PDE4D: variants seen among roughly 807,000 people sequenced by gnomAD.
The protein encoded by PDE4D is 3',5'-cyclic-AMP phosphodiesterase 4D.
Under a neutral mutation model 87.4 loss-of-function variants are expected in PDE4D, and 24 were observed. The observed-to-expected ratio is 0.27, with a 90% CI of 0.20 to 0.39. The LOEUF (loss-of-function observed/expected upper bound fraction) is 0.39. Among genes scored for constraint, PDE4D ranks in the 10% least tolerant of loss-of-function variants. PDE4D has a pLI of 1.00. For synonymous variants in PDE4D, 384 were observed against 383.2 expected, an observed-to-expected ratio of 1.00 and a Z score of -0.02; for missense variants, 714 against 1,041.0, an observed-to-expected ratio of 0.69 and a Z score of 4.32.
At chr5:59,559,996 GT>G (rs1819687531) in intron 1 of PDE4D, among the ~76,000 whole-genome samples, 1 of 152,180 alleles carries the variant, frequency 6.6e-6, no homozygotes, top group South Asian at 2.1e-4. Flanking sequence ...ATAGATTCAA[GT>G]TGAAAGGAAT....
chr5:59,152,041 G>A (rs554970587), intron 5 of PDE4D, among the ~76,000 whole-genome samples: 2 of 152,194 alleles, frequency 1.3e-5, no homozygotes, highest in African/African-American at 4.8e-5. Context: ...AGGCAGCAGA[G>A]TGTTGACTGC....
chr5:59,838,524 C>T (rs1443599908), intron 1 of PDE4D, among the ~76,000 whole-genome samples: 1 of 152,060 alleles, frequency 6.6e-6, no homozygotes, highest in Non-Finnish European at 1.5e-5. Context: ...TACTTCCATC[C>T]TACTAGGCTA....
intron 1 of PDE4D, among the ~76,000 whole-genome samples, chr5:59,675,857 T>A (rs1195043632): frequency 6.6e-6 from 1 of 151,920 alleles, no homozygotes; most frequent in Non-Finnish European, 1.5e-5. Flanking sequence ...ACCTGGATAA[T>A]TTTTTTGTAT....
At chr5:59,797,502 G>A (rs1028020506) in intron 1 of PDE4D, among the ~76,000 whole-genome samples, 14 of 152,158 alleles carry the variant, frequency 9.2e-5, no homozygotes, top group African/African-American at 3.4e-4. Flanking sequence ...CCTTCAAATG[G>A]GGGCATTTAG....
chr5:59,285,335 G>T (rs924383521), intron 1 of PDE4D, among the ~76,000 whole-genome samples: 2 of 152,078 alleles, frequency 1.3e-5, no homozygotes, highest in Admixed American at 1.3e-4. Context: ...GTCAACGGTG[G>T]TAGATAAGCC....
chr5:59,729,611 A>T (rs1478745054), intron 1 of PDE4D, among the ~76,000 whole-genome samples: 1 of 151,194 alleles, frequency 6.6e-6, no homozygotes, highest in Non-Finnish European at 1.5e-5. Flanking sequence ...AACCACTAAT[A>T]CAGTGACTTG....
At chr5:60,000,085 A>G (rs556981623) in intron 2 of PDE4D, among the ~76,000 whole-genome samples, 134 of 152,244 alleles carry the variant, frequency 8.8e-4, no homozygotes, top group African/African-American at 3.1e-3. Context: ...ACTAAGAAAC[A>G]TATGGGACAC....
At chr5:60,037,274 T>C (rs776602688) in intron 2 of PDE4D, among the ~76,000 whole-genome samples, 1 of 152,154 alleles carries the variant, frequency 6.6e-6, no homozygotes, top group Non-Finnish European at 1.5e-5. Context: ...TTCAGCTTAA[T>C]TGATGTATAA....
In PDE4D at chr5:59,201,617, G is replaced by T. The variant is rs181695812; in HGVS notation, c.648-8081C>A. ...GGTATTAGACATACTTGAGGATATG[G>T]ATCCTCTGTATTGCTTGGCCTTTTA... is the stretch of plus-strand genomic sequence containing the variant. On this transcript the variant is annotated intron_variant, in intron 2 of 14. Transcript: ENST00000340635. Among the ~76,000 whole-genome samples, 525 of 152,218 alleles carry T rather than the reference G, an allele frequency of 3.4e-3. 2 individuals carry two copies. Among genetic ancestry groups the T allele is most frequent in the African/African-American group, 0.012 (508 of 41,534 alleles).
At chr5:59,722,385 A>C (rs1333869540) in intron 1 of PDE4D, among the ~76,000 whole-genome samples, 1 of 152,218 alleles carries the variant, frequency 6.6e-6, no homozygotes, top group Non-Finnish European at 1.5e-5. Context: ...GCTGAATAAA[A>C]AGTCAAAGCA....
At chr5:59,214,211 C>A (rs1218740218) in intron 2 of PDE4D, among the ~76,000 whole-genome samples, 2 of 152,114 alleles carry the variant, frequency 1.3e-5, no homozygotes, top group Non-Finnish European at 2.9e-5. Context: ...CCTGTAGTGA[C>A]TTCGCTATGC....
rs187749629 is a variant in PDE4D, at chr5:59,547,237, T to C, written c.456-331269A>G. Among the ~76,000 whole-genome samples the C allele has an allele frequency of 1.8e-4, 28 of 152,308 alleles. No homozygotes were observed. In the East Asian group the frequency reaches 4.6e-3, roughly 25 times the overall value. ...CATAGAAAAAGGCAAGAAGTAACATTTGAAATAAATTTGTAACATTATCTG... is the reference window on the plus strand; with the variant it reads ...CATAGAAAAAGGCAAGAAGTAACATCTGAAATAAATTTGTAACATTATCTG... On this transcript the variant is annotated intron_variant, in intron 1 of 14. Transcript: ENST00000340635.
intron 1 of PDE4D, among the ~76,000 whole-genome samples, chr5:59,280,850 A>G (rs1214500548): frequency 6.6e-6 from 1 of 151,308 alleles, no homozygotes; most frequent in Non-Finnish European, 1.5e-5. Flanking sequence ...TACTATTTGT[A>G]AGAGATTTTT....
intron 1 of PDE4D, among the ~76,000 whole-genome samples, chr5:60,292,075 ATG>A (rs943525290): frequency 6.6e-6 from 1 of 152,198 alleles, no homozygotes; most frequent in Non-Finnish European, 1.5e-5. Flanking sequence ...GTGTGTCTGC[ATG>A]TGTTTGTTCA....
At chr5:60,047,666 A>C (rs1206935625) in intron 2 of PDE4D, among the ~76,000 whole-genome samples, 1 of 152,072 alleles carries the variant, frequency 6.6e-6, no homozygotes, top group Admixed American at 6.6e-5. Context: ...GTTTCCATGT[A>C]GTTGAGCGGT....
intron 1 of PDE4D, among the ~76,000 whole-genome samples, chr5:60,409,192 G>C (rs1741833111): frequency 6.6e-6 from 1 of 152,208 alleles, no homozygotes; most frequent in African/African-American, 2.4e-5. Flanking sequence ...GGCCAGAAAA[G>C]ATCCAGGAAA....
chr5:59,028,713 G>T (rs929509526), intron 6 of PDE4D, among the ~76,000 whole-genome samples: 1 of 152,050 alleles, frequency 6.6e-6, no homozygotes, highest in East Asian at 1.9e-4. Context: ...TCTGCTGAAC[G>T]AATTTGCCAT....
intron 1 of PDE4D, among the ~76,000 whole-genome samples, chr5:59,849,756 T>C (rs1744401396): frequency 6.6e-6 from 1 of 152,064 alleles, no homozygotes; most frequent in Non-Finnish European, 1.5e-5. Context: ...AAGTGTCTAA[T>C]GCATAAAAAT....
chr5:59,696,023 G>A (rs879882609), intron 1 of PDE4D, among the ~76,000 whole-genome samples: 1 of 152,120 alleles, frequency 6.6e-6, no homozygotes, highest in Non-Finnish European at 1.5e-5. Flanking sequence ...TTTAGTTATT[G>A]TCTTCTTTTT....
Sources: gnomAD v4.1 joint callset for allele counts (sites outside exome capture counted in the v4.1 genomes callset) on GRCh38, gnomAD v4.1.1 for gene constraint, MANE v1.5 for transcripts, NCBI Gene and HGNC (gene_info 2026-07-23, HGNC 2026-07-21) for gene names.